Variants in DMD observed in about 807,000 individuals in gnomAD.
DMD encodes the protein dystrophin.
Under a neutral mutation model 330.1 loss-of-function variants are expected in DMD, and 63 were observed. That is an observed-to-expected ratio of 0.19 (90% CI 0.16 to 0.24). DMD has a LOEUF of 0.24. Among genes scored for constraint, DMD ranks in the 10% least tolerant of loss-of-function variants. DMD has a pLI of 1.00. For synonymous variants in DMD, 1,223 were observed against 959.8 expected, an observed-to-expected ratio of 1.27 and a Z score of -5.07; for missense variants, 3,344 against 2,684.1, an observed-to-expected ratio of 1.25 and a Z score of -5.43.
chrX:33,071,913 C>T (rs182059579), intron 1 of DMD, among the ~76,000 whole-genome samples: 66 of 111,985 alleles, frequency 5.9e-4, no homozygotes, highest in Middle Eastern at 4.6e-3. Flanking sequence ...AAAGATTGTA[C>T]TATTTTTCAA....
intron 9 of DMD, among the ~76,000 whole-genome samples, chrX:32,655,905 G>C (rs2060532758): frequency 9.0e-6 from 1 of 111,006 alleles, no homozygotes; most frequent in South Asian, 3.8e-4. Flanking sequence ...GGCCTTCTTT[G>C]TCTCTTTTGA....
At chrX:31,355,781 A>G (rs1194547056) in intron 60 of DMD, among the ~76,000 whole-genome samples, 2 of 110,482 alleles carry the variant, frequency 1.8e-5, no homozygotes, top group East Asian at 5.7e-4. Flanking sequence ...AGTTTCAGTT[A>G]AAATCCTTTT....
intron 59 of DMD, among the ~76,000 whole-genome samples, chrX:31,468,997 T>C (rs896646342): frequency 4.5e-5 from 5 of 111,506 alleles, no homozygotes; most frequent in Admixed American, 1.9e-4. Context: ...CCCCTGCTTT[T>C]TTTTTCTTTC....
At chrX:31,337,699 C>T (rs1176477625) in intron 61 of DMD, among the ~76,000 whole-genome samples, 2 of 111,865 alleles carry the variant, frequency 1.8e-5, no homozygotes, top group Admixed American at 9.4e-5. Flanking sequence ...GCCAGCATTC[C>T]ACCAAAATAG....
chrX:32,681,372 A>C (rs2062410737), intron 9 of DMD, among the ~76,000 whole-genome samples: 1 of 111,603 alleles, frequency 9.0e-6, no homozygotes, highest in Non-Finnish European at 1.9e-5. Flanking sequence ...CACTGAAATT[A>C]GTTTGGAAAA....
intron 44 of DMD, among the ~76,000 whole-genome samples, chrX:32,054,205 T>A (rs1246832211): frequency 2.8e-5 from 3 of 106,957 alleles, no homozygotes; most frequent in African/African-American, 1.0e-4. Flanking sequence ...TTTTTTTTTT[T>A]ATTATACTTT....
At chrX:31,238,495 A>C (rs2047946679) in intron 63 of DMD, among the ~76,000 whole-genome samples, 1 of 112,248 alleles carries the variant, frequency 8.9e-6, no homozygotes, top group South Asian at 3.7e-4. Flanking sequence ...CGATGGCAGA[A>C]GGAATACTAA....
chrX:31,539,700 T>C (rs1285024738), intron 55 of DMD, among the ~76,000 whole-genome samples: 1 of 112,017 alleles, frequency 8.9e-6, no homozygotes, highest in African/African-American at 3.2e-5. Context: ...ATCTGTAATA[T>C]CGTTTTGAGA....
intron 54 of DMD, among the ~76,000 whole-genome samples, chrX:31,647,928 C>T (rs917761355): frequency 3.6e-5 from 4 of 112,206 alleles, no homozygotes; most frequent in African/African-American, 1.3e-4. Flanking sequence ...TAATTTTCAT[C>T]TCTTTCTATG....
intron 42 of DMD, among the ~76,000 whole-genome samples, chrX:32,300,983 A>T (rs1007150014): frequency 8.8e-4 from 98 of 110,931 alleles, no homozygotes; most frequent in African/African-American, 3.0e-3. Flanking sequence ...TGATTAAGCA[A>T]CTTCATAGGT....
intron 7 of DMD, among the ~76,000 whole-genome samples, chrX:32,717,181 A>G (rs1353740913): frequency 5.4e-5 from 6 of 111,725 alleles, no homozygotes; most frequent in Non-Finnish European, 1.1e-4. Context: ...GACAAAGGGG[A>G]AAATGCCCAA....
chrX:32,079,762 T>G (rs770279446), intron 44 of DMD, among the ~76,000 whole-genome samples: 1 of 112,421 alleles, frequency 8.9e-6, no homozygotes, highest in African/African-American at 3.2e-5. Context: ...GTATATTTTC[T>G]AGTTATTTTG....
In DMD at chrX:31,441,235, C is replaced by T. The variant is rs975943240; in HGVS notation, c.9084+3246G>A. 2.7e-5 allele frequency among the ~76,000 whole-genome samples: 3 copies of T among 111,718 alleles called. No individual in the cohort carries two copies. The East Asian group carries it at 8.3e-4, about 31-fold the overall frequency. ...TTTTTGAGACCGAGTCTGGCTCTGT[C>T]GCCCAGGCTGGAGTGCAGTGGCACG... On this transcript the variant is annotated intron_variant, in intron 60 of 78. Transcript: ENST00000357033.
chrX:32,764,184 T>G (rs944959071), intron 7 of DMD, among the ~76,000 whole-genome samples: 2 of 110,535 alleles, frequency 1.8e-5, no homozygotes, highest in African/African-American at 6.6e-5. Context: ...GGCATACAAT[T>G]GACAATTGAG....
rs770367898 is a variant in DMD, at chrX:32,057,793, GGAA to G, written c.6439-89282_6439-89280del. ...CTCCAAATAGCCAAAACAGTCTTGA[GGAA>G]GAAGAATAAACTGGAGGCATCACAC... On this transcript the variant is annotated intron_variant, in intron 44 of 78. Transcript: ENST00000357033. Among the ~76,000 whole-genome samples, 3 of 111,137 alleles carry G rather than the reference GGAA, an allele frequency of 2.7e-5. No individual in the cohort carries two copies. The East Asian group carries it at 8.5e-4, about 32-fold the overall frequency.
At chrX:33,052,222 G>C (rs1040079860) in intron 1 of DMD, among the ~76,000 whole-genome samples, 2 of 111,735 alleles carry the variant, frequency 1.8e-5, no homozygotes, top group African/African-American at 6.5e-5. Context: ...AAATTTCCTA[G>C]AACCAAAATA....
rs181492168 is a variant in DMD, at chrX:32,261,228, T to A, written c.6290+26301A>T. ...ATCAAAGCTATCAACAGAGAAACAC[T>A]GAAGGTTCCTGTGCTGGGAAATGTG... On this transcript the variant is annotated intron_variant, in intron 43 of 78. Coordinates refer to ENST00000357033, the MANE Select transcript of DMD (RefSeq NM_004006.3). Among the ~76,000 whole-genome samples, 6 of 111,785 alleles carry A rather than the reference T, an allele frequency of 5.4e-5. No homozygotes were observed. The East Asian group carries it at 1.7e-3, about 32-fold the overall frequency.
intron 43 of DMD, among the ~76,000 whole-genome samples, chrX:32,243,337 G>C (rs1024557754): frequency 4.5e-5 from 5 of 111,558 alleles, no homozygotes; most frequent in African/African-American, 1.6e-4. Context: ...CAGTAAACTG[G>C]TAAAGCAAGT....
At chrX:31,311,966 T>C in intron 62 of DMD, among the ~76,000 whole-genome samples, 1 of 111,725 alleles carries the variant, frequency 9.0e-6, no homozygotes, top group Non-Finnish European at 1.9e-5. Flanking sequence ...CAAGATGGAT[T>C]AAAGACTTAA....
Sources: allele counts gnomAD v4.1 joint callset (sites outside exome capture counted in the v4.1 genomes callset), GRCh38; gene constraint gnomAD v4.1.1; transcripts MANE v1.5; gene names NCBI Gene and HGNC (gene_info 2026-07-23, HGNC 2026-07-21).